KPNA5: variants seen among roughly 807,000 people sequenced by gnomAD.
The protein encoded by KPNA5 is importin subunit alpha-6.
Under a neutral mutation model 71.3 loss-of-function variants are expected in KPNA5, and 46 were observed. The observed-to-expected ratio is 0.65, with a 90% CI of 0.51 to 0.83. KPNA5 has a LOEUF of 0.83. Ranked by LOEUF, KPNA5 falls within the 40% of genes least tolerant of loss-of-function variation. The pLI, the probability that KPNA5 is intolerant of heterozygous loss-of-function variation, is 0.00. For missense variants in KPNA5, 547 were observed against 628.3 expected (o/e 0.87, Z 1.38); for synonymous variants, 207 against 201.4 (o/e 1.03, Z -0.24).
intron 4 of KPNA5, among the ~76,000 whole-genome samples, chr6:116,692,956 A>G (rs1346420848): frequency 5.3e-5 from 8 of 152,030 alleles, no homozygotes; most frequent in South Asian, 2.1e-4. Flanking sequence ...TCATTGTTCA[A>G]TTCCCACCTA....
At chr6:116,685,160 C>T (rs953698899) in intron 1 of KPNA5, among the ~76,000 whole-genome samples, 1 of 152,180 alleles carries the variant, frequency 6.6e-6, no homozygotes, top group Non-Finnish European at 1.5e-5. Flanking sequence ...AACTGATAAA[C>T]CGTGATCTGT....
At chr6:116,705,329 T>C (rs548488171) in intron 7 of KPNA5, among the ~76,000 whole-genome samples, 169 bp downstream of exon 7, 29 of 152,338 alleles carry the variant, frequency 1.9e-4, no homozygotes, top group Admixed American at 3.9e-4. Flanking sequence ...TTGTTATCTC[T>C]GTCTTTTATG....
chr6:116,703,304 C>G (rs1363941895), intron 6 of KPNA5, among the ~76,000 whole-genome samples: 1 of 151,646 alleles, frequency 6.6e-6, no homozygotes, highest in Non-Finnish European at 1.5e-5. Flanking sequence ...CTCTCGTCCC[C>G]CACGCTGGAA....
Position 116,724,389 on chromosome 6 carries a change from T to G in KPNA5, c.999+14T>G. ...ATTCAAACACAGGTGAGTTCAAACT[T>G]GAGTATCATAAATTGTTAACATAAA... On this transcript the variant is annotated intron_variant, in intron 10 of 13. Coordinates refer to ENST00000368564, the MANE Select transcript of KPNA5 (RefSeq NM_001366306.2). 6.3e-7 allele frequency: 1 copy of G among 1,575,654 alleles called. No homozygotes were observed. The highest frequency in any genetic ancestry group is 8.7e-7 in the Non-Finnish European group (1 of 1,146,692).
chr6:116,709,535 T>TA (rs79590037), intron 7 of KPNA5, among the ~76,000 whole-genome samples: 5 of 151,768 alleles, frequency 3.3e-5, no homozygotes, highest in African/African-American at 7.3e-5. Context: ...AAATTTTTTT[T>TA]AAAAAAAGAT....
chr6:116,740,735 A>G lies in KPNA5; in HGVS notation c.*8412A>G, dbSNP rs527829658. 1.1e-4 allele frequency: 16 copies of G among 152,122 alleles called. No individual in the cohort carries two copies. The Middle Eastern group carries it at 0.014, about 129-fold the overall frequency. 9.4% of individuals were successfully genotyped at this position (152,122 alleles called of 1,614,324 possible). A position where few individuals can be genotyped will look rare whatever the true frequency, so the allele number is the denominator to read the frequency against. On this transcript the variant is annotated 3_prime_UTR_variant, in exon 14 of 14. Transcript: ENST00000368564. ...TGGAAATCATCCTTCTCAGTAAGCTATCGCAAGAACAAAAAACCAAATGCC... is the reference window on the plus strand; with the variant it reads ...TGGAAATCATCCTTCTCAGTAAGCTGTCGCAAGAACAAAAAACCAAATGCC...
intron 8 of KPNA5, among the ~76,000 whole-genome samples, chr6:116,717,024 T>A (rs1778912069): frequency 6.6e-6 from 1 of 152,106 alleles, no homozygotes; most frequent in Admixed American, 6.6e-5. Flanking sequence ...ACTCAAGAGT[T>A]GAGATTTAAT....
At chr6:116,691,098 G>A (rs117165579) in intron 2 of KPNA5, among the ~76,000 whole-genome samples, 5,060 of 152,028 alleles carry the variant, frequency 0.033, 122 homozygotes, top group Non-Finnish European at 0.051. Context: ...GCATGGTGGC[G>A]CACGCCTATA....
At chr6:116,724,190 T>C (rs545520290) in intron 9 of KPNA5, 107 bp from the exon 10 acceptor site, 1 of 634,326 alleles carries the variant, frequency 1.6e-6, no homozygotes, top group South Asian at 2.2e-5. Context: ...AAAACTTCAA[T>C]GGGATCTTTG....
chr6:116,701,239 A>T (rs781330051), intron 5 of KPNA5, among the ~76,000 whole-genome samples: 57 of 152,066 alleles, frequency 3.7e-4, no homozygotes, highest in Non-Finnish European at 6.3e-4. Flanking sequence ...TATTAAAAAA[A>T]TTTTTTTCAT....
At chr6:116,687,606 AC>A (rs1463413590) in intron 1 of KPNA5, among the ~76,000 whole-genome samples, 1 of 152,234 alleles carries the variant, frequency 6.6e-6, no homozygotes, top group Non-Finnish European at 1.5e-5. Flanking sequence ...ATATGTAAAC[AC>A]AACAACCACT....
chr6:116,708,272 G>A (rs983342339), intron 7 of KPNA5, among the ~76,000 whole-genome samples: 12 of 152,244 alleles, frequency 7.9e-5, no homozygotes, highest in African/African-American at 2.4e-4. Context: ...TAAATACGTA[G>A]GAGTGGAATT....
intron 1 of KPNA5, 131 bp downstream of exon 1, chr6:116,681,469 G>A: frequency 2.1e-6 from 3 of 1,401,242 alleles, no homozygotes; most frequent in Non-Finnish European, 2.8e-6. Flanking sequence ...TGGCGGTGCC[G>A]GGTGTTTCTC....
intron 12 of KPNA5, among the ~76,000 whole-genome samples, chr6:116,726,850 TA>T (rs1434337984): frequency 2.6e-5 from 4 of 151,976 alleles, no homozygotes; most frequent in East Asian, 1.9e-4. Flanking sequence ...AATCAGAGAT[TA>T]AAAAATCCAA....
chr6:116,729,884 C>A, intron 13 of KPNA5, 143 bp downstream of exon 13: 1 of 444,256 alleles, frequency 2.3e-6, no homozygotes, highest in East Asian at 3.4e-5. Flanking sequence ...ATTTTATTAC[C>A]CTAACAATTT....
rs1171606039 is a variant in KPNA5 at position 116,733,186 on chromosome 6, A to G, written c.*863A>G. On this transcript the variant is annotated 3_prime_UTR_variant, in exon 14 of 14. Coordinates refer to ENST00000368564, the MANE Select transcript of KPNA5 (RefSeq NM_001366306.2). ...CATCATGAATCTAAAGTAGTGCTGC[A>G]TATCTAAAATAATAACTAATTATTT... is the stretch of plus-strand genomic sequence containing the variant. The G allele has an allele frequency of 1.3e-5, 2 of 151,782 alleles. No homozygotes were observed. Among genetic ancestry groups the G allele is most frequent in the Admixed American group, 6.6e-5 (1 of 15,190 alleles). The allele number at this position is 151,782 out of a possible 1,614,324, so 9.4% of individuals were successfully genotyped here. A position where few individuals can be genotyped will look rare whatever the true frequency, so the allele number is the denominator to read the frequency against.
chr6:116,682,280 G>C (rs920776670), intron 1 of KPNA5, among the ~76,000 whole-genome samples: 1 of 152,098 alleles, frequency 6.6e-6, no homozygotes, highest in Non-Finnish European at 1.5e-5. Flanking sequence ...AGTGAGCCGA[G>C]AGCGCCATTG....
intron 7 of KPNA5, among the ~76,000 whole-genome samples, chr6:116,708,054 G>C (rs759857301): frequency 3.3e-5 from 5 of 152,136 alleles, no homozygotes; most frequent in Non-Finnish European, 7.4e-5. Flanking sequence ...TGTTTTCAAG[G>C]TTCATCCATA....
chr6:116,690,425 C>T (rs985270360), intron 2 of KPNA5, among the ~76,000 whole-genome samples: 7 of 151,844 alleles, frequency 4.6e-5, no homozygotes, highest in South Asian at 2.1e-4. Flanking sequence ...GAGGCTGAGG[C>T]GGGCGGATCA....
Sources: allele counts gnomAD v4.1 joint callset (sites outside exome capture counted in the v4.1 genomes callset), GRCh38; gene constraint gnomAD v4.1.1; transcripts MANE v1.5; gene names NCBI Gene and HGNC (gene_info 2026-07-23, HGNC 2026-07-21).